The following BMPER variants were observed in gnomAD, a reference collection of about 807,000 sequenced individuals.
The protein encoded by BMPER is BMP binding endothelial regulator.
BMPER carries 45 observed loss-of-function variants against 87.3 expected under a neutral mutation model. That is an observed-to-expected ratio of 0.52 (90% confidence interval 0.41 to 0.66). BMPER has a LOEUF of 0.66. BMPER is among the 30% of genes least tolerant of loss of function. The probability of loss-of-function intolerance (pLI) is 0.00; values close to 1 mark genes in which losing one functional copy is unlikely to be tolerated. For synonymous variants in BMPER, 326 were observed against 316.2 expected, an observed-to-expected ratio of 1.03 and a Z score of -0.33; for missense variants, 784 against 867.5, an observed-to-expected ratio of 0.90 and a Z score of 1.21.
In BMPER at chr7:34,039,417, G is replaced by T. The variant is rs1787771970; in HGVS notation, c.577-6889G>T. On this transcript the variant is annotated intron_variant, in intron 6 of 14. Coordinates refer to ENST00000649409, the MANE Select transcript of BMPER (RefSeq NM_001365308.1). Reference sequence around the variant, plus strand: ...CCCAGGGGACATTTGGCAATGTCTGGAGACATGCTTCATTGTCACAATCAG... The same window carrying T: ...CCCAGGGGACATTTGGCAATGTCTGTAGACATGCTTCATTGTCACAATCAG... 3.9e-5 allele frequency among the ~76,000 whole-genome samples: 6 copies of T among 152,092 alleles called. No homozygotes were observed. The South Asian group carries it at 1.2e-3, about 32-fold the overall frequency.
chr7:33,945,989 G>A (rs1176318670), intron 3 of BMPER, among the ~76,000 whole-genome samples: 1 of 152,094 alleles, frequency 6.6e-6, no homozygotes, highest in Non-Finnish European at 1.5e-5. Context: ...GAGTGCAGGG[G>A]GAAGGTGTTT....
intron 11 of BMPER, among the ~76,000 whole-genome samples, chr7:34,062,642 G>A (rs2127965666): frequency 6.6e-6 from 1 of 152,286 alleles, no homozygotes; most frequent in Admixed American, 6.5e-5. Flanking sequence ...GTTGTTGTGT[G>A]AATATCATAG....
At chr7:33,919,156 T>C (rs2128603914) in intron 2 of BMPER, among the ~76,000 whole-genome samples, 1 of 152,314 alleles carries the variant, frequency 6.6e-6, no homozygotes, top group Non-Finnish European at 1.5e-5. Flanking sequence ...ACTTTGCATG[T>C]TAATGGGTCA....
intron 6 of BMPER, among the ~76,000 whole-genome samples, chr7:33,982,700 T>C (rs1785897498): frequency 6.6e-6 from 1 of 152,216 alleles, no homozygotes; most frequent in South Asian, 2.1e-4. Flanking sequence ...GGAAGGTCTA[T>C]TGTAATGCCA....
intron 6 of BMPER, among the ~76,000 whole-genome samples, chr7:33,998,015 T>G (rs1326874759): frequency 1.3e-5 from 2 of 152,266 alleles, no homozygotes; most frequent in Non-Finnish European, 2.9e-5. Flanking sequence ...CTTTCTCTTC[T>G]TTCCCTGCCC....
intron 3 of BMPER, among the ~76,000 whole-genome samples, chr7:33,952,062 T>C (rs1785041073): frequency 6.6e-6 from 1 of 152,232 alleles, no homozygotes; most frequent in African/African-American, 2.4e-5. Context: ...CTAATAAACT[T>C]ACTGATCACC....
intron 13 of BMPER, among the ~76,000 whole-genome samples, chr7:34,112,171 T>C (rs1372989479): frequency 6.6e-6 from 1 of 152,094 alleles, no homozygotes; most frequent in Non-Finnish European, 1.5e-5. Flanking sequence ...GTTACACATG[T>C]ATTATGAATG....
intron 6 of BMPER, among the ~76,000 whole-genome samples, chr7:33,994,466 A>G (rs150560219): frequency 0.034 from 5,119 of 151,914 alleles, 103 homozygotes; most frequent in Non-Finnish European, 0.047. Flanking sequence ...GCAATGCCTC[A>G]CCCTGCTTTG....
Position 34,153,407 on chromosome 7 carries a change from T to C in BMPER, c.*134T>C, listed in dbSNP as rs1791235642. On this transcript the variant is annotated 3_prime_UTR_variant, in exon 15 of 15. Coordinates refer to ENST00000649409, the MANE Select transcript of BMPER (RefSeq NM_001365308.1). ...CACAGAGTATATATGTGTATATATA[T>C]ATAGATATATTCAAAAACATTGCAT... The C allele has an allele frequency of 8.6e-6, 7 of 814,596 alleles. No individual in the cohort carries two copies. The highest frequency in any genetic ancestry group is 1.4e-5 in the Non-Finnish European group (7 of 507,460). 50.5% of individuals were successfully genotyped at this position (814,596 alleles called of 1,614,324 possible). A position where few individuals can be genotyped will look rare whatever the true frequency, so the allele number is the denominator to read the frequency against.
At chr7:33,964,878 A>G (rs1056901851) in intron 3 of BMPER, among the ~76,000 whole-genome samples, 3 of 152,208 alleles carry the variant, frequency 2.0e-5, no homozygotes, top group African/African-American at 7.2e-5. Flanking sequence ...CAGGCGTTTC[A>G]TATTTACTTG....
chr7:34,143,480 C>T, intron 14 of BMPER, 120 bp downstream of exon 14: 1 of 1,450,224 alleles, frequency 6.9e-7, no homozygotes. Context: ...GAGGAAAATC[C>T]CTTCCAGTAG....
intron 12 of BMPER, 123 bp downstream of exon 12, chr7:34,079,309 C>T: frequency 7.7e-7 from 1 of 1,303,320 alleles, no homozygotes; most frequent in Non-Finnish European, 1.1e-6. Context: ...CAAGGCAGAG[C>T]CAGGTTCCAA....
chr7:34,147,662 G>T (rs566413049), intron 14 of BMPER, among the ~76,000 whole-genome samples: 1 of 152,212 alleles, frequency 6.6e-6, no homozygotes, highest in African/African-American at 2.4e-5. Flanking sequence ...TAGAGACGGG[G>T]TTTCTCCATG....
At chr7:34,059,192 G>A (rs951809547) in intron 10 of BMPER, among the ~76,000 whole-genome samples, 9 of 152,064 alleles carry the variant, frequency 5.9e-5, no homozygotes, top group African/African-American at 1.2e-4. Flanking sequence ...CCAGTCCTCC[G>A]GGAACCCTCG....
At chr7:33,983,070 G>A (rs987624937) in intron 6 of BMPER, among the ~76,000 whole-genome samples, 4 of 152,210 alleles carry the variant, frequency 2.6e-5, no homozygotes, top group African/African-American at 7.2e-5. Flanking sequence ...TTACTAGACT[G>A]TAGTTTCAGC....
At chr7:33,963,650 C>A (rs145616223) in intron 3 of BMPER, among the ~76,000 whole-genome samples, 2 of 151,872 alleles carry the variant, frequency 1.3e-5, no homozygotes, top group African/African-American at 4.8e-5. Context: ...AAAAATTAGC[C>A]GGGCGTGGTG....
chr7:34,113,126 TA>T (rs1321420066), intron 13 of BMPER, among the ~76,000 whole-genome samples: 2 of 151,854 alleles, frequency 1.3e-5, no homozygotes, highest in African/African-American at 4.8e-5. Context: ...ATATAAACAA[TA>T]AAAAACTCAA....
At chr7:34,134,083 G>A (rs964295083) in intron 13 of BMPER, among the ~76,000 whole-genome samples, 3 of 152,228 alleles carry the variant, frequency 2.0e-5, no homozygotes, top group East Asian at 1.9e-4. Context: ...GGCCCATCTC[G>A]CCCTGCCCTT....
intron 6 of BMPER, among the ~76,000 whole-genome samples, chr7:34,025,105 T>C (rs1050730707): frequency 1.3e-5 from 2 of 152,108 alleles, no homozygotes; most frequent in African/African-American, 4.8e-5. Context: ...ATTGTTTGTA[T>C]GTAGTCATGT....
Sources: allele counts gnomAD v4.1 joint callset (sites outside exome capture counted in the v4.1 genomes callset), GRCh38; gene constraint gnomAD v4.1.1; transcripts MANE v1.5; gene names NCBI Gene and HGNC (gene_info 2026-07-23, HGNC 2026-07-21).